The following FOXK2 variants were observed in gnomAD, a reference collection of about 807,000 sequenced individuals.
FOXK2 encodes the protein forkhead box K2, also known as forkhead box protein K2.
A neutral mutation model predicts 53.3 loss-of-function variants in FOXK2; 24 were observed. The observed-to-expected ratio is 0.45, with a 90% CI of 0.33 to 0.63. The LOEUF is 0.63. Among genes scored for constraint, FOXK2 ranks in the 30% least tolerant of loss-of-function variants. The pLI, the probability that FOXK2 is intolerant of heterozygous loss-of-function variation, is 0.03. For missense variants in FOXK2, 952 were observed against 910.5 expected, an observed-to-expected ratio of 1.05 and a Z score of -0.59; for synonymous variants, 505 against 407.1, an observed-to-expected ratio of 1.24 and a Z score of -2.89.
intron 5 of FOXK2, among the ~76,000 whole-genome samples, chr17:82,583,497 G>A (rs1035828412): frequency 4.6e-5 from 7 of 152,324 alleles, no homozygotes; most frequent in Non-Finnish European, 5.9e-5. Flanking sequence ...GCAGTGAGCC[G>A]AGATTGCGCC....
Position 82,571,960 on chromosome 17 carries a change from A to C in FOXK2, c.909+90A>C, listed in dbSNP as rs2044923278. The C allele has an allele frequency of 2.3e-6, 3 of 1,330,430 alleles. No individual in the cohort carries two copies. In the Admixed American group the frequency reaches 9.1e-5, roughly 40 times the overall value. The allele number at this position is 1,330,430 out of a possible 1,614,324, so 82.4% of individuals were successfully genotyped here. On this transcript the variant is annotated intron_variant, in intron 4 of 8. Coordinates refer to ENST00000335255, the MANE Select transcript of FOXK2 (RefSeq NM_004514.4). Reference sequence around the variant, plus strand: ...GCTGTCTGGAACACAGGCACAGGATAGGAAGGTAGAAGGGGGGGTTGGAGC... The same window carrying C: ...GCTGTCTGGAACACAGGCACAGGATCGGAAGGTAGAAGGGGGGGTTGGAGC...
At chr17:82,554,949 A>C (rs979310814) in intron 1 of FOXK2, among the ~76,000 whole-genome samples, 3 of 151,722 alleles carry the variant, frequency 2.0e-5, no homozygotes, top group Non-Finnish European at 4.4e-5. Context: ...GCGTTTCACC[A>C]TATTGGCCAG....
Position 82,550,918 on chromosome 17 carries a change from G to A in FOXK2, c.420-12436G>A, listed in dbSNP as rs549763079. On this transcript the variant is annotated intron_variant, in intron 1 of 8. Coordinates refer to ENST00000335255, the MANE Select transcript of FOXK2 (RefSeq NM_004514.4). ...TTTCTAAGTCACTGTGAAGCACTGC[G>A]TGCAGTAAGCGTGCGTCACTGAAAG... is the stretch of plus-strand genomic sequence containing the variant. Among the ~76,000 whole-genome samples the A allele has an allele frequency of 3.0e-4, 46 of 152,340 alleles. 1 individual carries two copies. Among genetic ancestry groups the A allele is most frequent in the Non-Finnish European group, 2.2e-4 (15 of 68,024 alleles).
At position 82,586,139 on chromosome 17, in the gene FOXK2, A is replaced by C. The variant is rs188729988; in HGVS notation, c.1515A>C (p.Ala505=). ...CTGGACAAGCTGTGGTCACCCCGGC[A>C]GCCGTGCTGGCCCCTCCTAAGGCAG... ...TVSGQAVVTP[A]AVLAPPKAEA... is the part of the protein sequence containing the mutation. The change falls in exon 7 of 9, where the codon GCA becomes GCC. Residue 505 remains alanine (A), a synonymous_variant. Transcript: ENST00000335255. 6.2e-7 allele frequency: 1 copy of C among 1,612,476 alleles called. No homozygotes were observed. Among genetic ancestry groups the C allele is most frequent in the Non-Finnish European group, 8.5e-7 (1 of 1,179,922 alleles).
intron 1 of FOXK2, among the ~76,000 whole-genome samples, chr17:82,531,880 G>A (rs1323654090): frequency 6.6e-6 from 1 of 152,194 alleles, no homozygotes; most frequent in Non-Finnish European, 1.5e-5. Context: ...CGCTTTTGTC[G>A]CCCAGGCTGC....
chr17:82,596,047 C>T (rs530799210), intron 8 of FOXK2: 79 of 1,119,278 alleles, frequency 7.1e-5, no homozygotes, highest in African/African-American at 1.8e-4. Context: ...TCTGGCCTAC[C>T]GCAGTGGCCC....
chr17:82,584,851 C>G (rs2045114269), intron 6 of FOXK2, among the ~76,000 whole-genome samples: 1 of 152,194 alleles, frequency 6.6e-6, no homozygotes, highest in Non-Finnish European at 1.5e-5. Context: ...CACGCCCAGC[C>G]TAACATGTCC....
intron 1 of FOXK2, among the ~76,000 whole-genome samples, chr17:82,560,468 G>A (rs1457216341): frequency 6.6e-6 from 1 of 152,060 alleles, no homozygotes; most frequent in East Asian, 1.9e-4. Flanking sequence ...ACTGTGTGGC[G>A]CAGGCTGGCT....
chr17:82,522,818 C>T (rs142780150), intron 1 of FOXK2, among the ~76,000 whole-genome samples: 317 of 152,130 alleles, frequency 2.1e-3, no homozygotes, highest in Middle Eastern at 6.9e-3. Context: ...TTTTTTGAGA[C>T]GGAGTCTCGC....
At chr17:82,575,035 C>T (rs2044966420) in intron 4 of FOXK2, among the ~76,000 whole-genome samples, 1 of 152,200 alleles carries the variant, frequency 6.6e-6, no homozygotes, top group South Asian at 2.1e-4. Context: ...AGTACAGAGT[C>T]TTATTTTTAC....
At chr17:82,547,034 A>C (rs2044632759) in intron 1 of FOXK2, among the ~76,000 whole-genome samples, 1 of 150,382 alleles carries the variant, frequency 6.6e-6, no homozygotes, top group Non-Finnish European at 1.5e-5. Flanking sequence ...CCGAGATGGC[A>C]CCACTGCACT....
intron 8 of FOXK2, 121 bp from the exon 9 acceptor site, chr17:82,601,182 G>T (rs2045378161): frequency 9.2e-7 from 1 of 1,086,414 alleles, no homozygotes; most frequent in South Asian, 1.5e-5. Flanking sequence ...CCCTTAGAGG[G>T]CGAGAGTTCA....
intron 1 of FOXK2, among the ~76,000 whole-genome samples, chr17:82,537,369 C>T (rs1042305754): frequency 2.6e-5 from 4 of 151,968 alleles, no homozygotes; most frequent in Non-Finnish European, 2.9e-5. Flanking sequence ...CATTGCCGGG[C>T]GGGCACGGTG....
At chr17:82,552,128 C>T (rs1212253686) in intron 1 of FOXK2, among the ~76,000 whole-genome samples, 2 of 152,380 alleles carry the variant, frequency 1.3e-5, no homozygotes, top group East Asian at 1.9e-4. Flanking sequence ...CACACGCTCC[C>T]AGCCTGGCCA....
At chr17:82,558,417 C>A (rs570162212) in intron 1 of FOXK2, among the ~76,000 whole-genome samples, 1 of 152,116 alleles carries the variant, frequency 6.6e-6, no homozygotes. Context: ...AGCACTCAGC[C>A]GGGTCTGGAC....
chr17:82,560,259 C>T (rs368831646), intron 1 of FOXK2, among the ~76,000 whole-genome samples: 7 of 151,966 alleles, frequency 4.6e-5, no homozygotes, highest in South Asian at 2.1e-4. Context: ...CTGCCTGCCT[C>T]GGCCTCCCAA....
chr17:82,553,139 T>TTAAGA (rs2044692829), intron 1 of FOXK2, among the ~76,000 whole-genome samples: 1 of 152,184 alleles, frequency 6.6e-6, no homozygotes, highest in African/African-American at 2.4e-5. Flanking sequence ...TTTCACTATG[T>TTAAGA]TGGCCAGGCT....
intron 1 of FOXK2, among the ~76,000 whole-genome samples, chr17:82,528,471 ATATCT>A (rs1349855975): frequency 3.3e-5 from 5 of 152,138 alleles, no homozygotes; most frequent in Non-Finnish European, 4.4e-5. Flanking sequence ...GCAATTTATA[ATATCT>A]TAAATAATGA....
At chr17:82,586,253 GC>G (rs57940566) in intron 7 of FOXK2, 53 bp downstream of exon 7, 69,457 of 343,044 alleles carry the variant, frequency 0.2, 8,455 homozygotes, top group South Asian at 0.27. Flanking sequence ...TGAAAGGTGG[GC>G]CGGGGGGGGA....
Sources: gnomAD v4.1 joint callset for allele counts (sites outside exome capture counted in the v4.1 genomes callset) on GRCh38, gnomAD v4.1.1 for gene constraint, MANE v1.5 for transcripts, NCBI Gene and HGNC (gene_info 2026-07-23, HGNC 2026-07-21) for gene names.